SEMA5A: variants seen among roughly 807,000 people sequenced by gnomAD.
SEMA5A encodes the protein semaphorin 5A.
In SEMA5A, 55 loss-of-function variants were observed where a neutral mutation model predicts 135.5. The ratio of observed to expected loss-of-function variants is 0.41; its 90% CI spans 0.33 to 0.51. The LOEUF (loss-of-function observed/expected upper bound fraction) is 0.51, where lower values mean the gene tolerates loss of function less well. Among genes scored for constraint, SEMA5A ranks in the 20% least tolerant of loss-of-function variants. SEMA5A has a pLI of 0.37. For missense variants in SEMA5A, 1,290 were observed against 1,419.9 expected (o/e 0.91, Z 1.47); for synonymous variants, 580 against 546.5 (o/e 1.06, Z -0.85).
At chr5:9,310,857 T>C (rs938865479) in intron 5 of SEMA5A, among the ~76,000 whole-genome samples, 2 of 149,382 alleles carry the variant, frequency 1.3e-5, no homozygotes, top group Non-Finnish European at 3.0e-5. Context: ...ACACACAATA[T>C]ATATATTGCA....
At chr5:9,359,980 T>G (rs1754620588) in intron 3 of SEMA5A, among the ~76,000 whole-genome samples, 1 of 152,216 alleles carries the variant, frequency 6.6e-6, no homozygotes, top group Admixed American at 6.5e-5. Flanking sequence ...GCTATCCTTG[T>G]TTTATGGAAA....
chr5:9,041,568 CA>C lies in SEMA5A; in HGVS notation c.*1328del. The stretch of plus-strand genomic sequence containing the variant: ...ATCAGTGAAGAGACCACAGGGATCC[CA>C]AAAACCCTTACTTCCAGCTATCCTG... On this transcript the variant is annotated 3_prime_UTR_variant, in exon 23 of 23. Coordinates refer to ENST00000382496, the MANE Select transcript of SEMA5A (RefSeq NM_003966.3). The C allele has an allele frequency of 6.6e-6, 1 of 152,280 alleles. No individual in the cohort carries two copies. Among genetic ancestry groups the C allele is most frequent in the Non-Finnish European group, 1.5e-5 (1 of 68,044 alleles). 9.4% of individuals were successfully genotyped at this position (152,280 alleles called of 1,614,324 possible). A position where few individuals can be genotyped will look rare whatever the true frequency, so the allele number is the denominator to read the frequency against.
intron 3 of SEMA5A, among the ~76,000 whole-genome samples, chr5:9,352,966 G>T (rs1579395710): frequency 6.6e-6 from 1 of 151,182 alleles, no homozygotes; most frequent in African/African-American, 2.4e-5. Flanking sequence ...AGAGTAAAAG[G>T]CTCAACAAAT....
At chr5:9,413,010 C>T (rs1042125819) in intron 2 of SEMA5A, among the ~76,000 whole-genome samples, 1 of 152,040 alleles carries the variant, frequency 6.6e-6, no homozygotes, top group Non-Finnish European at 1.5e-5. Flanking sequence ...TCCATATTTC[C>T]CATCCAGTGA....
chr5:9,050,767 TC>T (rs1378136562), intron 20 of SEMA5A, among the ~76,000 whole-genome samples: 1 of 152,112 alleles, frequency 6.6e-6, no homozygotes, highest in African/African-American at 2.4e-5. Flanking sequence ...GCCGGGGGGA[TC>T]CCCCCACTCT....
At chr5:9,053,304 C>T (rs540112160) in intron 19 of SEMA5A, among the ~76,000 whole-genome samples, 70 of 152,276 alleles carry the variant, frequency 4.6e-4, no homozygotes, top group African/African-American at 1.5e-3. Flanking sequence ...CACTTCACAG[C>T]GGTGCTCCCT....
At chr5:9,221,314 T>A (rs1441062287) in intron 8 of SEMA5A, among the ~76,000 whole-genome samples, 1 of 147,874 alleles carries the variant, frequency 6.8e-6, no homozygotes, top group Non-Finnish European at 1.5e-5. Flanking sequence ...TTTTTTTTTT[T>A]TTTTTTGAGA....
chr5:9,517,821 G>A (rs1736610230), intron 1 of SEMA5A: 1 of 152,122 alleles, frequency 6.6e-6, no homozygotes, highest in Admixed American at 6.5e-5. Flanking sequence ...CTGCTTTCCT[G>A]TAATCATAGT....
At chr5:9,077,277 T>C (rs1174287059) in intron 16 of SEMA5A, among the ~76,000 whole-genome samples, 1 of 152,202 alleles carries the variant, frequency 6.6e-6, no homozygotes, top group Non-Finnish European at 1.5e-5. Flanking sequence ...CCAGTGCATG[T>C]ATTTGGATCT....
rs1284692796 is a variant in SEMA5A at position 9,162,558 on chromosome 5, G to GTA, written c.1274-7864_1274-7863insTA. On this transcript the variant is annotated intron_variant, in intron 11 of 22. Coordinates refer to ENST00000382496, the MANE Select transcript of SEMA5A (RefSeq NM_003966.3). ...TATGTATGTGTGTATATATGTGTGT[G>GTA]TGTGTGTATATATATATATATATAT... Among the ~76,000 whole-genome samples, 4 of 28,780 alleles carry GTA rather than the reference G, an allele frequency of 1.4e-4. 1 individual carries two copies. Among genetic ancestry groups the GTA allele is most frequent in the African/African-American group, 7.1e-4 (4 of 5,652 alleles). 18.9% of individuals were successfully genotyped at this position (28,780 alleles called of 152,430 possible).
At chr5:9,108,541 G>T (rs924021587) in intron 15 of SEMA5A, among the ~76,000 whole-genome samples, 1 of 152,134 alleles carries the variant, frequency 6.6e-6, no homozygotes, top group Non-Finnish European at 1.5e-5. Context: ...GGATCTTCCT[G>T]TGCAGCCAAT....
chr5:9,504,532 T>C (rs570939566), intron 1 of SEMA5A, among the ~76,000 whole-genome samples: 62 of 152,256 alleles, frequency 4.1e-4, no homozygotes, highest in African/African-American at 1.4e-3. Flanking sequence ...GGGTCTCAAA[T>C]GCAACAGCAG....
chr5:9,444,381 A>C (rs1423511667), intron 1 of SEMA5A, among the ~76,000 whole-genome samples: 2 of 152,040 alleles, frequency 1.3e-5, no homozygotes, highest in East Asian at 3.9e-4. Context: ...CCATTGTGTA[A>C]TTCTTATGCC....
chr5:9,384,677 T>C (rs866907893), intron 2 of SEMA5A, among the ~76,000 whole-genome samples: 4 of 85,402 alleles, frequency 4.7e-5, no homozygotes, highest in Non-Finnish European at 8.8e-5. Flanking sequence ...TAGATAGATA[T>C]AGATAGATAG....
In SEMA5A at chr5:9,466,382, T is replaced by A. The variant is rs1428276482; in HGVS notation, c.-174-28530A>T. 4.5e-4 allele frequency among the ~76,000 whole-genome samples: 64 copies of A among 143,148 alleles called. 1 individual carries two copies. In the South Asian group the frequency reaches 8.8e-3, roughly 20 times the overall value. 93.9% of individuals were successfully genotyped at this position (143,148 alleles called of 152,430 possible). On this transcript the variant is annotated intron_variant, in intron 1 of 22. Coordinates refer to ENST00000382496, the MANE Select transcript of SEMA5A (RefSeq NM_003966.3). The stretch of plus-strand genomic sequence containing the variant: ...CTCAAAGTATAATAATAATAAAATT[T>A]AAAAAAAAAAAAAAAAGAAAAGTCC...
chr5:9,482,654 C>G (rs1759919270), intron 1 of SEMA5A, among the ~76,000 whole-genome samples: 1 of 152,222 alleles, frequency 6.6e-6, no homozygotes, highest in Non-Finnish European at 1.5e-5. Context: ...CCACCATAGC[C>G]TACATTAAGC....
Position 9,039,604 on chromosome 5 carries a change from G to A in SEMA5A, c.*3293C>T, listed in dbSNP as rs1223656797. The A allele has an allele frequency of 6.6e-6, 1 of 152,216 alleles. No homozygotes were observed. Among genetic ancestry groups the A allele is most frequent in the African/African-American group, 2.4e-5 (1 of 41,430 alleles). 9.4% of individuals were successfully genotyped at this position (152,216 alleles called of 1,614,324 possible). A position where few individuals can be genotyped will look rare whatever the true frequency, so the allele number is the denominator to read the frequency against. The stretch of plus-strand genomic sequence containing the variant: ...AGGGAACCATCCCTACAAACATGAA[G>A]AAGCTGAGATGCCTCATGTAAGTCA... On this transcript the variant is annotated 3_prime_UTR_variant, in exon 23 of 23. Transcript: ENST00000382496.
chr5:9,184,208 A>G (rs1251071475), intron 11 of SEMA5A, among the ~76,000 whole-genome samples: 2 of 151,332 alleles, frequency 1.3e-5, no homozygotes, highest in African/African-American at 4.9e-5. Flanking sequence ...TCACAGATTT[A>G]TACAGCTGCA....
intron 3 of SEMA5A, among the ~76,000 whole-genome samples, chr5:9,363,930 G>A (rs1754806243): frequency 6.6e-6 from 1 of 152,204 alleles, no homozygotes; most frequent in Non-Finnish European, 1.5e-5. Context: ...ATGGAAGTAG[G>A]CAGGCGATGA....
Sources: allele counts gnomAD v4.1 joint callset (sites outside exome capture counted in the v4.1 genomes callset), GRCh38; gene constraint gnomAD v4.1.1; transcripts MANE v1.5; gene names NCBI Gene and HGNC (gene_info 2026-07-23, HGNC 2026-07-21).